ANKRD17: variants seen among roughly 807,000 people sequenced by gnomAD.
ANKRD17 encodes the protein ankyrin repeat domain 17.
Under a neutral mutation model 229.7 loss-of-function variants are expected in ANKRD17, and 19 were observed. The ratio of observed to expected loss-of-function variants is 0.08; its 90% CI spans 0.06 to 0.12. The LOEUF (loss-of-function observed/expected upper bound fraction) is 0.12, where lower values mean the gene tolerates loss of function less well. Ranked by LOEUF, ANKRD17 falls within the 10% of genes least tolerant of loss-of-function variation. The probability of loss-of-function intolerance (pLI) is 1.00; values close to 1 mark genes in which losing one functional copy is unlikely to be tolerated. For missense variants in ANKRD17, 2,176 were observed against 3,176.8 expected (o/e 0.68, Z 7.57); for synonymous variants, 1,112 against 1,146.1 (o/e 0.97, Z 0.60).
At chr4:73,158,939 G>T (rs1732137338) in intron 3 of ANKRD17, among the ~76,000 whole-genome samples, 1 of 152,210 alleles carries the variant, frequency 6.6e-6, no homozygotes, top group Non-Finnish European at 1.5e-5. Context: ...ATAATTGTAA[G>T]AAATAAATTC....
At chr4:73,192,538 C>T (rs930013588) in intron 1 of ANKRD17, among the ~76,000 whole-genome samples, 8 of 151,782 alleles carry the variant, frequency 5.3e-5, no homozygotes, top group East Asian at 3.9e-4. Context: ...TACTCCATAC[C>T]CTTCTATATT....
chr4:73,083,034 A>T (rs983882518), intron 30 of ANKRD17, among the ~76,000 whole-genome samples: 9 of 152,196 alleles, frequency 5.9e-5, no homozygotes, highest in African/African-American at 2.2e-4. Context: ...ATAGTTCAGG[A>T]ATAAAATAAT....
intron 1 of ANKRD17, among the ~76,000 whole-genome samples, chr4:73,255,193 C>T (rs6848243): frequency 0.065 from 9,926 of 152,238 alleles, 472 homozygotes; most frequent in South Asian, 0.13. Context: ...ATAACCTACT[C>T]CAATGTCTAG....
intron 25 of ANKRD17, 140 bp from the exon 26 acceptor site, chr4:73,098,660 T>C: frequency 1.1e-6 from 1 of 879,790 alleles, no homozygotes; most frequent in Admixed American, 2.6e-5. Flanking sequence ...CATTCATCGG[T>C]AATGAGCTGG....
At chr4:73,200,876 C>A (rs999776513) in intron 1 of ANKRD17, among the ~76,000 whole-genome samples, 2 of 151,058 alleles carry the variant, frequency 1.3e-5, no homozygotes, top group Admixed American at 6.6e-5. Context: ...GATGCCTCCA[C>A]CTCAATCACC....
At chr4:73,189,208 G>C (rs1488252344) in intron 1 of ANKRD17, among the ~76,000 whole-genome samples, 1 of 151,788 alleles carries the variant, frequency 6.6e-6, no homozygotes, top group Non-Finnish European at 1.5e-5. Context: ...ACCTAAACGA[G>C]ATAACAACAA....
At chr4:73,189,407 T>TC (rs1267076660) in intron 1 of ANKRD17, among the ~76,000 whole-genome samples, 110 of 140,682 alleles carry the variant, frequency 7.8e-4, no homozygotes, top group African/African-American at 2.6e-3. Context: ...TGGAATGTTT[T>TC]TTTTTTTTTT....
chr4:73,097,088 T>C (rs759729129), intron 27 of ANKRD17, 29 bp downstream of exon 27: 14 of 1,602,012 alleles, frequency 8.7e-6, no homozygotes, highest in Non-Finnish European at 1.1e-5. Context: ...ATATAGCACA[T>C]AAAAAGAATG....
intron 11 of ANKRD17, among the ~76,000 whole-genome samples, chr4:73,144,124 A>T (rs1315112929): frequency 6.6e-6 from 1 of 152,176 alleles, no homozygotes; most frequent in African/African-American, 2.4e-5. Context: ...TGAATTGAAA[A>T]CTGTCTCAAC....
chr4:73,134,104 A>G (rs927399924), intron 16 of ANKRD17, among the ~76,000 whole-genome samples: 8 of 152,164 alleles, frequency 5.3e-5, no homozygotes, highest in African/African-American at 1.9e-4. Context: ...CATTTGGCCA[A>G]CAAGTAAGAG....
At position 73,091,070 on chromosome 4, in the gene ANKRD17, AGTTGTGCCATGAGGGGGT is replaced by A; in HGVS notation, c.6540_6557del (p.Pro2181_Thr2186del). On this transcript the variant is annotated inframe_deletion, in exon 29 of 34. Transcript: ENST00000358602. ...CTGAAGCTGAATTCTTGTGAGGGGC[AGTTGTGCCATGAGGGGGT>A]GGTCTAATAGCAGGGGTTTCCATTT... The A allele has an allele frequency of 6.2e-7, 1 of 1,614,194 alleles. No individual in the cohort carries two copies. The highest frequency in any genetic ancestry group is 8.5e-7 in the Non-Finnish European group (1 of 1,180,034).
intron 16 of ANKRD17, among the ~76,000 whole-genome samples, chr4:73,128,036 G>T (rs1935003366): frequency 6.6e-6 from 1 of 152,300 alleles, no homozygotes; most frequent in East Asian, 1.9e-4. Flanking sequence ...ACAAGGGAGA[G>T]ATGCACCAAC....
intron 1 of ANKRD17, among the ~76,000 whole-genome samples, chr4:73,181,641 T>C (rs568406443): frequency 5.3e-5 from 8 of 152,208 alleles, no homozygotes; most frequent in East Asian, 3.9e-4. Context: ...GAATTTTCCC[T>C]CTGAAACCTA....
chr4:73,085,678 A>G (rs963112613), intron 29 of ANKRD17, among the ~76,000 whole-genome samples: 2 of 139,452 alleles, frequency 1.4e-5, no homozygotes, highest in Non-Finnish European at 3.1e-5. Flanking sequence ...TCGAGACCCC[A>G]CCTCAAAAAA....
intron 1 of ANKRD17, among the ~76,000 whole-genome samples, chr4:73,232,803 A>AACCTCCACCTCCCAGGT (rs1484437557): frequency 7.9e-5 from 12 of 152,036 alleles, no homozygotes; most frequent in Admixed American, 5.9e-4. Context: ...AACTCCCTGA[A>AACCTCCACCTCCCAGGT]ACCTCCACCT....
At chr4:73,080,667 G>A (rs903868115) in intron 30 of ANKRD17, 3 of 152,218 alleles carry the variant, frequency 2.0e-5, no homozygotes, top group African/African-American at 7.2e-5. Flanking sequence ...AGGAAGGAAA[G>A]AAGGATAAAC....
rs1720934014 is a variant in ANKRD17, at chr4:73,075,378, C to G, written c.*853G>C. 1.3e-5 allele frequency: 2 copies of G among 152,160 alleles called. No homozygotes were observed. The highest frequency in any genetic ancestry group is 1.3e-4 in the Admixed American group (2 of 15,276). The allele number at this position is 152,160 out of a possible 1,614,324, so 9.4% of individuals were successfully genotyped here. On this transcript the variant is annotated 3_prime_UTR_variant, in exon 34 of 34. Transcript: ENST00000358602. The stretch of plus-strand genomic sequence containing the variant: ...ACTGGTGATGATGAAGATGGTCCAT[C>G]TCTGTAGCAGCCATTACAGTGAAAA...
At chr4:73,255,288 G>C (rs541046809) in intron 1 of ANKRD17, among the ~76,000 whole-genome samples, 3 of 152,264 alleles carry the variant, frequency 2.0e-5, no homozygotes, top group African/African-American at 7.2e-5. Flanking sequence ...TCTTTTGGCA[G>C]ATACAGAGAT....
At chr4:73,078,536 CA>C (rs1560487222) in intron 31 of ANKRD17, 105 bp downstream of exon 31, 2 of 1,374,116 alleles carry the variant, frequency 1.5e-6, no homozygotes, top group Non-Finnish European at 9.7e-7. Flanking sequence ...AACTCCATCT[CA>C]AAAAAAGAAA....
Sources: gnomAD v4.1 joint callset for allele counts (sites outside exome capture counted in the v4.1 genomes callset) on GRCh38, gnomAD v4.1.1 for gene constraint, MANE v1.5 for transcripts, NCBI Gene and HGNC (gene_info 2026-07-23, HGNC 2026-07-21) for gene names.